PHACTR2: variants seen among roughly 807,000 people sequenced by gnomAD.
PHACTR2 encodes phosphatase and actin regulator 2, also known as chromosome 6 open reading frame 56.
Under a neutral mutation model 76.0 loss-of-function variants are expected in PHACTR2, and 30 were observed. The ratio of observed to expected loss-of-function variants is 0.39; its 90% CI spans 0.30 to 0.54. PHACTR2 has a LOEUF of 0.54. PHACTR2 is among the 20% of genes least tolerant of loss of function. The pLI is 0.61. For missense variants in PHACTR2, 696 were observed against 781.1 expected, an observed-to-expected ratio of 0.89 and a Z score of 1.30; for synonymous variants, 292 against 292.5, an observed-to-expected ratio of 1.00 and a Z score of 0.02.
intron 2 of PHACTR2, among the ~76,000 whole-genome samples, chr6:143,723,962 C>A: frequency 6.6e-6 from 1 of 151,136 alleles, no homozygotes; most frequent in East Asian, 1.9e-4. Context: ...TTTCTTTTTT[C>A]TTTTTTTCTT....
Position 143,550,535 on chromosome 6 carries a change from G to A in PHACTR2, c.217+13328G>A, listed in dbSNP as rs1775081936. On this transcript the variant is annotated intron_variant, in intron 1 of 11. Coordinates refer to the PHACTR2 transcript ENST00000367584. The surrounding 1 kb of genome is among the most constrained non-coding windows in gnomAD (Gnocchi z 4.8). ...CTTTTTCATGAAGTTTTTTGATGAAGTATCTAAACTAATCCACGCTTTGAA... is the reference window on the plus strand; with the variant it reads ...CTTTTTCATGAAGTTTTTTGATGAAATATCTAAACTAATCCACGCTTTGAA... 6.6e-6 allele frequency among the ~76,000 whole-genome samples: 1 copy of A among 152,012 alleles called. No homozygotes were observed. Among genetic ancestry groups the A allele is most frequent in the South Asian group, 2.1e-4 (1 of 4,824 alleles).
chr6:143,567,938 C>T (rs573761020), intron 1 of PHACTR2, among the ~76,000 whole-genome samples: 27 of 152,170 alleles, frequency 1.8e-4, no homozygotes, highest in Non-Finnish European at 3.2e-4. Context: ...AACGTTCCAG[C>T]GATTCCCACG....
At chr6:143,712,643 G>A (rs187089364) in intron 2 of PHACTR2, among the ~76,000 whole-genome samples, 9 of 151,940 alleles carry the variant, frequency 5.9e-5, no homozygotes, top group African/African-American at 1.9e-4. Flanking sequence ...GGTCTTGTTC[G>A]TTAATTAAAA....
intron 11 of PHACTR2, among the ~76,000 whole-genome samples, chr6:143,790,691 T>TTGG (rs1775660875): frequency 6.6e-6 from 1 of 151,204 alleles, no homozygotes; most frequent in Admixed American, 6.6e-5. Context: ...TTTTTTTTTT[T>TTGG]GAGACGGAGT....
chr6:143,741,509 T>C (rs1419573156), intron 2 of PHACTR2, among the ~76,000 whole-genome samples: 1 of 151,912 alleles, frequency 6.6e-6, no homozygotes, highest in Non-Finnish European at 1.5e-5. Flanking sequence ...AAAATAACAA[T>C]AATAATAAGA....
rs1025369808 is a variant in PHACTR2 at position 143,803,870 on chromosome 6, A to G, written c.1846-3187A>G. Among the ~76,000 whole-genome samples the G allele has an allele frequency of 2.6e-5, 4 of 152,210 alleles. No homozygotes were observed. The highest frequency in any genetic ancestry group is 4.8e-5 in the African/African-American group (2 of 41,454). On this transcript the variant is annotated intron_variant, in intron 11 of 12. Coordinates refer to ENST00000440869, the MANE Select transcript of PHACTR2 (RefSeq NM_001100164.2). This position sits in a 1 kb window ranked among gnomAD's most constrained non-coding sequence, Gnocchi z 4.7. ...ATAAAAGCAAGATATTTCATGACAA[A>G]CTTATCCTGAGGTAAACAACTGCAG...
chr6:143,609,530 T>TA (rs1775944547), intron 1 of PHACTR2, among the ~76,000 whole-genome samples: 1 of 151,822 alleles, frequency 6.6e-6, no homozygotes, highest in Non-Finnish European at 1.5e-5. Flanking sequence ...TTCTGGTCAT[T>TA]AAAAAAAATG....
At chr6:143,728,978 C>G (rs1265444225) in intron 2 of PHACTR2, among the ~76,000 whole-genome samples, 2 of 152,072 alleles carry the variant, frequency 1.3e-5, no homozygotes, top group Non-Finnish European at 2.9e-5. Flanking sequence ...AACAAAAAAG[C>G]ACAAATTTGA....
At position 143,585,204 on chromosome 6, in the gene PHACTR2, G is replaced by A. The variant is rs117929625; in HGVS notation, c.217+47997G>A. On this transcript the variant is annotated intron_variant, in intron 1 of 11. Coordinates refer to the PHACTR2 transcript ENST00000367584. This position sits in a 1 kb window ranked among gnomAD's most constrained non-coding sequence, Gnocchi z 5.2. ...GTGGGGGCTTAGTGGGGTAGAGACT[G>A]CATCTGCACCATGAGGCAGCAAGAA... is the stretch of plus-strand genomic sequence containing the variant. Among the ~76,000 whole-genome samples, 746 of 152,190 alleles carry A rather than the reference G, an allele frequency of 4.9e-3. 6 individuals are homozygous for A. Among genetic ancestry groups the A allele is most frequent in the Middle Eastern group, 0.01 (3 of 294 alleles).
chr6:143,628,892 A>G lies in PHACTR2; in HGVS notation c.13+20570A>G, dbSNP rs1438548619. Among the ~76,000 whole-genome samples the G allele has an allele frequency of 5.1e-5, 7 of 136,838 alleles. 1 individual carries two copies. The highest frequency in any genetic ancestry group is 1.5e-5 in the Non-Finnish European group (1 of 65,554). The allele number at this position is 136,838 out of a possible 152,430, so 89.8% of individuals were successfully genotyped here. A position where few individuals can be genotyped will look rare whatever the true frequency, so the allele number is the denominator to read the frequency against. ...CATTATTCAGTTTACTTTCTGGCCA[A>G]TGGGAAAGAAGATGAATGTTTAAAT... is the stretch of plus-strand genomic sequence containing the variant. On this transcript the variant is annotated intron_variant, in intron 1 of 11. Transcript: ENST00000305766.
rs1775450829 is a variant in PHACTR2 at position 143,782,285 on chromosome 6, CT to C, written c.1646-930del. Among the ~76,000 whole-genome samples the C allele has an allele frequency of 6.6e-6, 1 of 151,866 alleles. No homozygotes were observed. The highest frequency in any genetic ancestry group is 6.6e-5 in the Admixed American group (1 of 15,248). On this transcript the variant is annotated intron_variant, in intron 9 of 12. Transcript: ENST00000440869. This position sits in a 1 kb window ranked among gnomAD's most constrained non-coding sequence, Gnocchi z 4.6. ...ATAGAAGAAGTTTTCCTTTTTCAAC[CT>C]TTTGGTCAAGGCTTTATATGGTGTT...
chr6:143,770,925 C>CTTTTTTTT (rs72471881), intron 6 of PHACTR2, among the ~76,000 whole-genome samples: 6 of 119,202 alleles, frequency 5.0e-5, no homozygotes, highest in Non-Finnish European at 1.1e-4. Flanking sequence ...TTCTTTCTTT[C>CTTTTTTTT]TTTTTTTTTT....
In PHACTR2 at chr6:143,698,821, A is replaced by G. The variant is rs1777832074; in HGVS notation, c.47-13195A>G. Among the ~76,000 whole-genome samples the G allele has an allele frequency of 6.6e-6, 1 of 152,214 alleles. No individual in the cohort carries two copies. Among genetic ancestry groups the G allele is most frequent in the South Asian group, 2.1e-4 (1 of 4,830 alleles). ...TAGCTGCTCAGTTAATTGTGCATGA[A>G]TGTTTCCGTTCCACAGTGAACACAC... On this transcript the variant is annotated intron_variant, in intron 1 of 12. Transcript: ENST00000440869. The surrounding 1 kb of genome is among the most constrained non-coding windows in gnomAD (Gnocchi z 4.3).
chr6:143,635,483 C>T lies in PHACTR2; in HGVS notation c.13+27161C>T, dbSNP rs57949501. On this transcript the variant is annotated intron_variant, in intron 1 of 11. Coordinates refer to the PHACTR2 transcript ENST00000305766. Reference sequence around the variant, plus strand: ...CGTAGCTTTAAAATCTTGATAGATACTGCCGAGTTTTCCTTCTAAATGTTT... The same window carrying T: ...CGTAGCTTTAAAATCTTGATAGATATTGCCGAGTTTTCCTTCTAAATGTTT... Among the ~76,000 whole-genome samples, 658 of 152,294 alleles carry T rather than the reference C, an allele frequency of 4.3e-3. 5 individuals carry two copies. Among genetic ancestry groups the T allele is most frequent in the African/African-American group, 0.015 (619 of 41,554 alleles).
Position 143,618,379 on chromosome 6 carries a change from G to A in PHACTR2, c.13+10057G>A, listed in dbSNP as rs550603733. On this transcript the variant is annotated intron_variant, in intron 1 of 11. Transcript: ENST00000305766. The surrounding 1 kb of genome is among the most constrained non-coding windows in gnomAD (Gnocchi z 5.2). ...TGCTTTGATAACTTGCTTTTCTGGC[G>A]TTTTGGTTAATAAATGGTGTTTTTT... 7.2e-5 allele frequency among the ~76,000 whole-genome samples: 11 copies of A among 152,146 alleles called. No individual in the cohort carries two copies. The South Asian group carries it at 2.3e-3, about 32-fold the overall frequency.
At chr6:143,586,013 A>C (rs1388915823) in intron 1 of PHACTR2, among the ~76,000 whole-genome samples, 1 of 152,248 alleles carries the variant, frequency 6.6e-6, no homozygotes, top group East Asian at 1.9e-4. Flanking sequence ...ATGGAAGAGA[A>C]GTTTTTATCT....
chr6:143,558,592 C>G lies in PHACTR2; in HGVS notation c.217+21385C>G, dbSNP rs1048515963. Among the ~76,000 whole-genome samples the G allele has an allele frequency of 6.6e-5, 10 of 152,178 alleles. No individual in the cohort carries two copies. The highest frequency in any genetic ancestry group is 1.3e-4 in the Non-Finnish European group (9 of 68,030). On this transcript the variant is annotated intron_variant, in intron 1 of 11. Transcript: ENST00000367584. This position sits in a 1 kb window ranked among gnomAD's most constrained non-coding sequence, Gnocchi z 4.7. Reference sequence around the variant, plus strand: ...GGAGACCAGAAAGCTCACTATTTCACTTATTCCTGTCTCCTTTGTCATTTT... The same window carrying G: ...GGAGACCAGAAAGCTCACTATTTCAGTTATTCCTGTCTCCTTTGTCATTTT...
rs1282946617 is a variant in PHACTR2, at chr6:143,537,779, G to A, written c.217+572G>A. Reference sequence around the variant, plus strand: ...GGGGAGAGCAGGGGAGAGTTTGGCGGGCTGTTTGTGCCTCTCATCCTTTAA... The same window carrying A: ...GGGGAGAGCAGGGGAGAGTTTGGCGAGCTGTTTGTGCCTCTCATCCTTTAA... On this transcript the variant is annotated intron_variant, in intron 1 of 11. Coordinates refer to the PHACTR2 transcript ENST00000367584. This position sits in a 1 kb window ranked among gnomAD's most constrained non-coding sequence, Gnocchi z 4.4. Among the ~76,000 whole-genome samples the A allele has an allele frequency of 6.6e-6, 1 of 152,138 alleles. No homozygotes were observed. Among genetic ancestry groups the A allele is most frequent in the African/African-American group, 2.4e-5 (1 of 41,416 alleles).
rs939359354 is a variant in PHACTR2 at position 143,580,364 on chromosome 6, A to G, written c.217+43157A>G. ...GCCCGGCTTGGTGGCGGGCGCCTGT[A>G]GTCCCAGCTACTCTGGAGGCTGAGG... On this transcript the variant is annotated intron_variant, in intron 1 of 11. Transcript: ENST00000367584. This position sits in a 1 kb window ranked among gnomAD's most constrained non-coding sequence, Gnocchi z 4.2. 7.9e-5 allele frequency among the ~76,000 whole-genome samples: 12 copies of G among 152,354 alleles called. No homozygotes were observed. The highest frequency in any genetic ancestry group is 1.6e-4 in the Non-Finnish European group (11 of 68,030).
Sources: allele counts gnomAD v4.1 joint callset (sites outside exome capture counted in the v4.1 genomes callset), GRCh38; gene constraint gnomAD v4.1.1; non-coding constraint Gnocchi (gnomAD v3.1); transcripts MANE v1.5; gene names NCBI Gene and HGNC (gene_info 2026-07-23, HGNC 2026-07-21).